CAMK1D: variants seen among roughly 807,000 people sequenced by gnomAD.
CAMK1D encodes the protein calcium/calmodulin-dependent protein kinase type 1D.
CAMK1D carries 9 observed loss-of-function variants against 47.7 expected under a neutral mutation model. That is an observed-to-expected ratio of 0.19 (90% CI 0.11 to 0.33). The LOEUF (loss-of-function observed/expected upper bound fraction) is 0.33, where lower values mean the gene tolerates loss of function less well. CAMK1D is among the 10% of genes least tolerant of loss of function. The probability of loss-of-function intolerance (pLI) is 1.00; values close to 1 mark genes in which losing one functional copy is unlikely to be tolerated. For missense variants in CAMK1D, 291 were observed against 488.7 expected (o/e 0.60, Z 3.81); for synonymous variants, 184 against 184.9 (o/e 0.99, Z 0.04).
chr10:12,566,354 G>A (rs957311815), intron 2 of CAMK1D, among the ~76,000 whole-genome samples: 1 of 152,174 alleles, frequency 6.6e-6, no homozygotes, highest in Non-Finnish European at 1.5e-5. Flanking sequence ...CAGCGATGAG[G>A]TGGCCGGCCT....
At chr10:12,704,768 G>A (rs1220613135) in intron 3 of CAMK1D, among the ~76,000 whole-genome samples, 1 of 152,150 alleles carries the variant, frequency 6.6e-6, no homozygotes, top group African/African-American at 2.4e-5. Context: ...AAATGTTTGA[G>A]AACAACTATT....
chr10:12,706,959 A>C (rs991300658), intron 3 of CAMK1D, among the ~76,000 whole-genome samples: 56 of 152,234 alleles, frequency 3.7e-4, no homozygotes, highest in African/African-American at 1.3e-3. Context: ...GATACATATG[A>C]AGGTATCTGG....
At chr10:12,807,914 C>T (rs994773946) in intron 6 of CAMK1D, among the ~76,000 whole-genome samples, 8 of 152,230 alleles carry the variant, frequency 5.3e-5, no homozygotes, top group African/African-American at 1.9e-4. Context: ...CCTCTGTCTA[C>T]ACCATTCAGG....
At chr10:12,796,559 A>G (rs1220486352) in intron 6 of CAMK1D, among the ~76,000 whole-genome samples, 1 of 152,116 alleles carries the variant, frequency 6.6e-6, no homozygotes, top group Non-Finnish European at 1.5e-5. Context: ...TTGATGGAAT[A>G]CATATGTTCT....
At chr10:12,597,740 C>A (rs930876686) in intron 2 of CAMK1D, among the ~76,000 whole-genome samples, 1 of 152,168 alleles carries the variant, frequency 6.6e-6, no homozygotes, top group Non-Finnish European at 1.5e-5. Flanking sequence ...ACCCATAGGG[C>A]TGTCTTCACT....
chr10:12,555,702 G>T (rs1401026781), intron 2 of CAMK1D, among the ~76,000 whole-genome samples: 1 of 152,196 alleles, frequency 6.6e-6, no homozygotes, highest in Non-Finnish European at 1.5e-5. Context: ...TGAATTCTGG[G>T]TGGGCCCAGA....
Position 12,523,001 on chromosome 10 carries a change from G to A in CAMK1D, c.93-30224G>A, listed in dbSNP as rs537405547. Among the ~76,000 whole-genome samples, 11 of 148,702 alleles carry A rather than the reference G, an allele frequency of 7.4e-5. 1 individual carries two copies. Among genetic ancestry groups the A allele is most frequent in the East Asian group, 2.0e-4 (1 of 4,982 alleles). On this transcript the variant is annotated intron_variant, in intron 1 of 10. Coordinates refer to ENST00000619168, the MANE Select transcript of CAMK1D (RefSeq NM_153498.4). ...CTCCCTCCCAGATGGGGTGGCTGCC[G>A]GGCGGAGACGCTCCTCACTTCCCAG... is the stretch of plus-strand genomic sequence containing the variant.
chr10:12,548,422 A>G (rs1017688338), intron 1 of CAMK1D, among the ~76,000 whole-genome samples: 16 of 149,056 alleles, frequency 1.1e-4, no homozygotes, highest in African/African-American at 3.4e-4. Context: ...TGAAATATAC[A>G]TAACATAAAC....
chr10:12,413,352 C>T (rs1839730350), intron 1 of CAMK1D, among the ~76,000 whole-genome samples: 1 of 152,144 alleles, frequency 6.6e-6, no homozygotes, highest in Non-Finnish European at 1.5e-5. Context: ...CCAGACACCT[C>T]CCACCAGGCC....
rs76223170 is a variant in CAMK1D at position 12,738,042 on chromosome 10, G to C, written c.300-22906G>C. 3.9e-5 allele frequency among the ~76,000 whole-genome samples: 6 copies of C among 152,312 alleles called. No individual in the cohort carries two copies. In the East Asian group the frequency reaches 9.6e-4, roughly 24 times the overall value. On this transcript the variant is annotated intron_variant, in intron 3 of 10. Coordinates refer to ENST00000619168, the MANE Select transcript of CAMK1D (RefSeq NM_153498.4). The stretch of plus-strand genomic sequence containing the variant: ...GGGAAGAAATATTTGTAAGATCTTT[G>C]AAACGAAGACTCTTCCTCAAGACAA...
intron 3 of CAMK1D, among the ~76,000 whole-genome samples, chr10:12,679,335 T>C (rs1218411453): frequency 1.3e-5 from 2 of 152,196 alleles, no homozygotes; most frequent in Non-Finnish European, 2.9e-5. Flanking sequence ...AAACTATCCG[T>C]TTATTTACTT....
At chr10:12,479,189 T>TTTTTTTTC (rs1222053367) in intron 1 of CAMK1D, among the ~76,000 whole-genome samples, 1 of 151,962 alleles carries the variant, frequency 6.6e-6, no homozygotes, top group African/African-American at 2.4e-5. Context: ...GAAGCTGCAT[T>TTTTTTTTC]TTTTTTTCTT....
chr10:12,395,476 T>G (rs1396239387), intron 1 of CAMK1D, among the ~76,000 whole-genome samples: 2 of 152,114 alleles, frequency 1.3e-5, no homozygotes, highest in Non-Finnish European at 2.9e-5. Context: ...CCAAGGATTG[T>G]TGTATGCCAG....
At chr10:12,563,071 A>ATCTC (rs1836994275) in intron 2 of CAMK1D, among the ~76,000 whole-genome samples, 1 of 152,236 alleles carries the variant, frequency 6.6e-6, no homozygotes, top group African/African-American at 2.4e-5. Flanking sequence ...GGAGGCTGAG[A>ATCTC]AGCTCCACAA....
intron 3 of CAMK1D, among the ~76,000 whole-genome samples, chr10:12,743,353 AAAAAAAGAAAAAAG>A: frequency 6.7e-6 from 1 of 149,698 alleles, no homozygotes. Flanking sequence ...TCTCAAAAAA[AAAAAAAGAAAAAAG>A]AAAAAAAGAA....
intron 2 of CAMK1D, among the ~76,000 whole-genome samples, chr10:12,570,823 T>C (rs1837300847): frequency 6.6e-6 from 1 of 151,164 alleles, no homozygotes; most frequent in African/African-American, 2.4e-5. Context: ...TGGTAGAGCA[T>C]GCCTGTGCTT....
intron 3 of CAMK1D, among the ~76,000 whole-genome samples, chr10:12,755,911 T>C (rs1836206782): frequency 6.6e-6 from 1 of 152,174 alleles, no homozygotes; most frequent in East Asian, 1.9e-4. Context: ...TAACCAGCCT[T>C]GTTCTGGGGC....
At chr10:12,682,554 T>C (rs948511597) in intron 3 of CAMK1D, among the ~76,000 whole-genome samples, 8 of 152,220 alleles carry the variant, frequency 5.3e-5, no homozygotes, top group South Asian at 2.1e-4. Context: ...AGATTTGCTG[T>C]GAATATAGAT....
chr10:12,660,029 C>A (rs558333565), intron 2 of CAMK1D, among the ~76,000 whole-genome samples: 93 of 152,328 alleles, frequency 6.1e-4, no homozygotes, highest in Non-Finnish European at 7.6e-4. Context: ...TCTCTCCCTT[C>A]CGATTGTATT....
Sources: allele counts gnomAD v4.1 joint callset (sites outside exome capture counted in the v4.1 genomes callset), GRCh38; gene constraint gnomAD v4.1.1; transcripts MANE v1.5; gene names NCBI Gene and HGNC (gene_info 2026-07-23, HGNC 2026-07-21).